Variants in PAM observed in about 807,000 individuals in gnomAD.
PAM encodes peptidyl-glycine alpha-amidating monooxygenase.
In PAM, 72 loss-of-function variants were observed where a neutral mutation model predicts 122.1. The ratio of observed to expected loss-of-function variants is 0.59; its 90% CI spans 0.49 to 0.72. The LOEUF (loss-of-function observed/expected upper bound fraction) is 0.72, where lower values mean the gene tolerates loss of function less well. Among genes scored for constraint, PAM ranks in the 30% least tolerant of loss-of-function variants. The pLI, the probability that PAM is intolerant of heterozygous loss-of-function variation, is 0.00. For synonymous variants in PAM, 389 were observed against 404.4 expected, an observed-to-expected ratio of 0.96 and a Z score of 0.46; for missense variants, 1,106 against 1,183.7, an observed-to-expected ratio of 0.93 and a Z score of 0.96.
intron 3 of PAM, among the ~76,000 whole-genome samples, chr5:102,894,061 A>G (rs567941975): frequency 3.3e-5 from 5 of 151,732 alleles, no homozygotes; most frequent in South Asian, 4.1e-4. Context: ...GGTGACTGCT[A>G]TGTACCATTG....
intron 14 of PAM, among the ~76,000 whole-genome samples, chr5:102,972,514 TCAAGCGATCCTCCTGCCTGGGCCTCC>T (rs990802726): frequency 1.0e-3 from 155 of 152,236 alleles, no homozygotes; most frequent in African/African-American, 3.5e-3. Flanking sequence ...GCTCCTGGGC[TCAAGCGATCCTCCTGCCTGGGCCTCC>T]CAAAGTGCTG....
At chr5:102,875,771 G>A (rs578093561) in intron 3 of PAM, among the ~76,000 whole-genome samples, 13 of 152,322 alleles carry the variant, frequency 8.5e-5, no homozygotes, top group African/African-American at 2.9e-4. Flanking sequence ...TAGATACTAT[G>A]TAAATGAATG....
intron 21 of PAM, among the ~76,000 whole-genome samples, chr5:103,013,668 C>G (rs1215767725): frequency 1.3e-5 from 2 of 152,084 alleles, no homozygotes; most frequent in Non-Finnish European, 2.9e-5. Context: ...GACAGCTAGT[C>G]TGGTGTTTAT....
intron 3 of PAM, among the ~76,000 whole-genome samples, chr5:102,883,568 C>T (rs878911267): frequency 4.6e-5 from 7 of 151,874 alleles, no homozygotes; most frequent in Admixed American, 4.6e-4. Flanking sequence ...ATTTTGTATC[C>T]TGAAACTTTG....
intron 7 of PAM, among the ~76,000 whole-genome samples, chr5:102,928,446 G>A (rs1750358749): frequency 6.6e-6 from 1 of 151,968 alleles, no homozygotes; most frequent in Non-Finnish European, 1.5e-5. Context: ...CTTTTCAATA[G>A]TAGTTTTTTA....
chr5:103,008,331 G>A (rs1257497682), intron 20 of PAM, among the ~76,000 whole-genome samples: 1 of 151,636 alleles, frequency 6.6e-6, no homozygotes, highest in Non-Finnish European at 1.5e-5. Context: ...GTATATATTT[G>A]TAGAGTACAA....
At chr5:102,896,950 C>T (rs184680132) in intron 3 of PAM, among the ~76,000 whole-genome samples, 191 of 151,678 alleles carry the variant, frequency 1.3e-3, no homozygotes, top group African/African-American at 4.4e-3. Flanking sequence ...ACAAACACCA[C>T]GGAGTTAGTG....
intron 1 of PAM, among the ~76,000 whole-genome samples, chr5:102,842,124 G>A (rs1016130266): frequency 2.0e-5 from 3 of 151,680 alleles, no homozygotes; most frequent in Admixed American, 6.6e-5. Context: ...AACTCCAGAT[G>A]AGAGAAGGAC....
At chr5:102,869,296 T>C (rs1392914612) in intron 3 of PAM, among the ~76,000 whole-genome samples, 1 of 152,222 alleles carries the variant, frequency 6.6e-6, no homozygotes, top group Non-Finnish European at 1.5e-5. Context: ...ATGTGAGCAG[T>C]AGGCTTGTCT....
At chr5:102,758,068 A>ATTTTTTT (rs1751039527) in intron 1 of PAM, among the ~76,000 whole-genome samples, 2 of 87,606 alleles carry the variant, frequency 2.3e-5, no homozygotes, top group African/African-American at 4.3e-5. Flanking sequence ...AAGACTTAGA[A>ATTTTTTT]TTTTGTTTTT....
At position 102,867,378 on chromosome 5, in the gene PAM, G is replaced by T. The variant is rs145666758; in HGVS notation, c.195G>T (p.Gly65=). 1,689 of 1,608,680 alleles carry T rather than the reference G, an allele frequency of 1.0e-3. 15 individuals carry two copies. Among genetic ancestry groups the T allele is most frequent in the East Asian group, 4.0e-3 (181 of 44,760 alleles). Residue 65 remains glycine (G), a synonymous_variant, in exon 3 of 26, where the codon GGG becomes GGT. Coordinates refer to ENST00000438793, the MANE Select transcript of PAM (RefSeq NM_001177306.2). ...TTGCATTGGATATTCGCATGCCTGG[G>T]GTTACACCTAAACAGGTGAGAGGAA... ...SDFALDIRMP[G]VTPKQSDTYF...
chr5:102,817,519 T>G (rs1482507185), intron 1 of PAM, among the ~76,000 whole-genome samples: 1 of 152,138 alleles, frequency 6.6e-6, no homozygotes, highest in African/African-American at 2.4e-5. Context: ...TGATATATTT[T>G]TAAAGTGATT....
chr5:102,995,380 C>G (rs993656318), intron 16 of PAM, among the ~76,000 whole-genome samples: 4 of 152,132 alleles, frequency 2.6e-5, no homozygotes, highest in Non-Finnish European at 5.9e-5. Flanking sequence ...GTTCTTCCAT[C>G]TCTTCTACAG....
At chr5:102,871,709 A>G (rs1363020845) in intron 3 of PAM, among the ~76,000 whole-genome samples, 2 of 147,000 alleles carry the variant, frequency 1.4e-5, no homozygotes, top group African/African-American at 4.9e-5. Flanking sequence ...TAAAATATAT[A>G]TATTATATAT....
At chr5:102,762,724 T>C (rs1490160061) in intron 1 of PAM, among the ~76,000 whole-genome samples, 1 of 152,220 alleles carries the variant, frequency 6.6e-6, no homozygotes, top group African/African-American at 2.4e-5. Flanking sequence ...TACCCTGTAG[T>C]GCTCAGAGCT....
chr5:103,004,948 A>G (rs1052601058), intron 17 of PAM, among the ~76,000 whole-genome samples: 60 of 152,320 alleles, frequency 3.9e-4, no homozygotes, highest in Non-Finnish European at 6.9e-4. Flanking sequence ...TTTTAATACT[A>G]TTAAATACTA....
At chr5:102,881,714 G>T in intron 3 of PAM, among the ~76,000 whole-genome samples, 1 of 149,280 alleles carries the variant, frequency 6.7e-6, no homozygotes, top group Non-Finnish European at 1.5e-5. Flanking sequence ...AATAGGTTTT[G>T]GGGGAACATG....
At chr5:102,993,970 A>G (rs1445308596) in intron 16 of PAM, among the ~76,000 whole-genome samples, 1 of 152,168 alleles carries the variant, frequency 6.6e-6, no homozygotes, top group Admixed American at 6.6e-5. Context: ...TGTTCTGCTC[A>G]TGAAATGTGG....
chr5:103,012,438 GT>G lies in PAM; in HGVS notation c.2331+2573del, dbSNP rs559307491. On this transcript the variant is annotated intron_variant, in intron 21 of 25. Coordinates refer to ENST00000438793, the MANE Select transcript of PAM (RefSeq NM_001177306.2). Reference sequence around the variant, plus strand: ...TTTAATCCATTTTGACTTGATTTTTGTGTAAAGTGAGAGATAGGGATCAAGT... The same window carrying G: ...TTTAATCCATTTTGACTTGATTTTTGGTAAAGTGAGAGATAGGGATCAAGT... Among the ~76,000 whole-genome samples, 381 of 152,248 alleles carry G rather than the reference GT, an allele frequency of 2.5e-3. 1 individual carries two copies. Among genetic ancestry groups the G allele is most frequent in the African/African-American group, 8.9e-3 (368 of 41,550 alleles).
Sources: gnomAD v4.1 joint callset for allele counts (sites outside exome capture counted in the v4.1 genomes callset) on GRCh38, gnomAD v4.1.1 for gene constraint, MANE v1.5 for transcripts, NCBI Gene and HGNC (gene_info 2026-07-23, HGNC 2026-07-21) for gene names.